PCSK4: variants seen among roughly 807,000 people sequenced by gnomAD.
The protein encoded by PCSK4 is proprotein convertase subtilisin/kexin type 4.
PCSK4 carries 64 observed loss-of-function variants against 80.3 expected under a neutral mutation model. The observed-to-expected ratio is 0.80, with a 90% CI of 0.65 to 0.98. The LOEUF (loss-of-function observed/expected upper bound fraction) is 0.98. PCSK4 is among the 50% of genes least tolerant of loss of function. PCSK4 has a pLI of 0.00. For synonymous variants in PCSK4, 561 were observed against 487.6 expected, an observed-to-expected ratio of 1.15 and a Z score of -1.98; for missense variants, 1,213 against 1,093.6, an observed-to-expected ratio of 1.11 and a Z score of -1.54.
In PCSK4 at chr19:1,490,219, G is replaced by A. The variant is rs779454141; in HGVS notation, c.128C>T (p.Ser43Phe). ...GCGCTCGACCTCCCGGTTACCCTGG[G>A]ACACCTGGACGGCCCAGCTGCTGAC... is the stretch of plus-strand genomic sequence containing the variant. The change falls in exon 1 of 15, where the codon TCC becomes TTC. Residue 43 changes from serine to phenylalanine, a missense_variant. Transcript: ENST00000300954. 16 of 1,613,254 alleles carry A rather than the reference G, an allele frequency of 9.9e-6. No homozygotes were observed. The East Asian group carries it at 3.3e-4, about 34-fold the overall frequency.
exon 15 of PCSK4, chr19:1,481,502 C>T (rs1156818834): frequency 2.5e-6 from 1 of 397,626 alleles, no homozygotes; most frequent in Non-Finnish European, 4.5e-6. Context: ...TCACGTTTCT[C>T]TCCCTCCACT....
Position 1,483,831 on chromosome 19 carries a change from G to C in PCSK4, c.1273+7C>G. The C allele has an allele frequency of 6.7e-7, 1 of 1,489,580 alleles. No individual in the cohort carries two copies. Among genetic ancestry groups the C allele is most frequent in the African/African-American group, 1.5e-5 (1 of 68,572 alleles). 92.3% of individuals were successfully genotyped at this position (1,489,580 alleles called of 1,614,324 possible). A position where few individuals can be genotyped will look rare whatever the true frequency, so the allele number is the denominator to read the frequency against. On this transcript the variant is annotated splice_region_variant and intron_variant, in intron 10 of 14. Transcript: ENST00000300954. ...CGGGTCCCCGCCCCCGCCCGGCCCC[G>C]CCGCACCTTGGCGCCCCACGCCGTT...
At position 1,483,856 on chromosome 19, in the gene PCSK4, T is replaced by G. The variant is rs1487099121; in HGVS notation, c.1255A>C (p.Asn419His). 3 of 1,495,862 alleles carry G rather than the reference T, an allele frequency of 2.0e-6. No individual in the cohort carries two copies. In the African/African-American group the frequency reaches 4.4e-5, roughly 22 times the overall value. 92.7% of individuals were successfully genotyped at this position (1,495,862 alleles called of 1,614,324 possible). The change falls in exon 10 of 15, where the codon AAC becomes CAC. Residue 419 changes from asparagine to histidine, a missense_variant. By Grantham distance (68) the Asn-to-His change is moderately conservative. Transcript: ENST00000300954. ...GCCGCACCTTGGCGCCCCACGCCGT[T>G]GGTCCTCCAGTCCTCGGCCTGCAGG... is the stretch of plus-strand genomic sequence containing the variant.
At chr19:1,482,061 A>G (rs2084320535) in exon 15 of PCSK4, 5 of 1,556,498 alleles carry the variant, frequency 3.2e-6, no homozygotes, top group Non-Finnish European at 4.3e-6. Context: ...CAGGTGTAGC[A>G]GGAGGCATGG....
intron 1 of PCSK4, 46 bp downstream of exon 1, chr19:1,490,112 A>G: frequency 6.2e-7 from 1 of 1,607,132 alleles, no homozygotes; most frequent in Non-Finnish European, 8.5e-7. Flanking sequence ...AGGGTTGTTC[A>G]GTCCCCTCCA....
At chr19:1,484,909 C>T (rs1399402064) in intron 8 of PCSK4, among the ~76,000 whole-genome samples, 1 of 152,180 alleles carries the variant, frequency 6.6e-6, no homozygotes, top group African/African-American at 2.4e-5. Context: ...CTTTGGGAGG[C>T]TGAGGCGGGC....
exon 12 of PCSK4, chr19:1,483,448 C>G: frequency 6.3e-7 from 1 of 1,594,336 alleles, no homozygotes; most frequent in Non-Finnish European, 8.5e-7. Flanking sequence ...TGATGTAGAT[C>G]AGCGGCAGGA....
chr19:1,483,961 G>A lies in PCSK4; in HGVS notation c.1170-20C>T. 2 of 1,440,338 alleles carry A rather than the reference G, an allele frequency of 1.4e-6. No homozygotes were observed. The highest frequency in any genetic ancestry group is 3.0e-5 in the African/African-American group (2 of 67,136). The allele number at this position is 1,440,338 out of a possible 1,614,324, so 89.2% of individuals were successfully genotyped here. A position where few individuals can be genotyped will look rare whatever the true frequency, so the allele number is the denominator to read the frequency against. On this transcript the variant is annotated intron_variant, in intron 9 of 14. Coordinates refer to ENST00000300954, the Ensembl canonical transcript of PCSK4. The stretch of plus-strand genomic sequence containing the variant: ...AACGGGCTGCGGGGGGCGGGGGCGG[G>A]GGCGGGTGAGCCGCCGGGCCGCGCC...
chr19:1,485,717 A>G (rs1033036225), intron 8 of PCSK4, among the ~76,000 whole-genome samples: 1 of 151,864 alleles, frequency 6.6e-6, no homozygotes, highest in African/African-American at 2.4e-5. Flanking sequence ...TGAAAATACA[A>G]AAAATTAGCC....
At chr19:1,484,161 G>T in intron 8 of PCSK4, 34 bp from the exon 9 acceptor site, 2 of 1,222,200 alleles carry the variant, frequency 1.6e-6, no homozygotes, top group Non-Finnish European at 1.2e-6. Flanking sequence ...TCGGGGGGCC[G>T]TGCACAGTGA....
chr19:1,484,620 C>T (rs924359673), intron 8 of PCSK4, among the ~76,000 whole-genome samples: 16 of 151,906 alleles, frequency 1.1e-4, no homozygotes, highest in African/African-American at 3.9e-4. Flanking sequence ...GAGTTCGAGA[C>T]CAGCCTGGTC....
Position 1,483,286 on chromosome 19 carries a change from T to TATGGCCAC in PCSK4, c.1561_1568dup (p.Ile523MetfsTer37). On this transcript the variant is annotated frameshift_variant, in exon 12 of 15. Coordinates refer to ENST00000300954, the Ensembl canonical transcript of PCSK4. LOFTEE classifies it high-confidence loss of function. ...CCTCTCCTCTGCGGGCCGCTCACCG[T>TATGGCCAC]ATGGCCACGAGTGTGGAGCGCGTGC... is the stretch of plus-strand genomic sequence containing the variant. 1 of 1,589,160 alleles carries TATGGCCAC rather than the reference T, an allele frequency of 6.3e-7. No homozygotes were observed. Among genetic ancestry groups the TATGGCCAC allele is most frequent in the Non-Finnish European group, 8.6e-7 (1 of 1,167,332 alleles).
At chr19:1,486,794 A>C (rs2084639781) in intron 8 of PCSK4, 59 bp downstream of exon 8, 4 of 1,389,294 alleles carry the variant, frequency 2.9e-6, no homozygotes, top group African/African-American at 1.4e-5. Context: ...GGACAGGAGG[A>C]GGCCAGGCTG....
chr19:1,487,307 C>A (rs754622127), exon 7 of PCSK4: 1 of 1,587,606 alleles, frequency 6.3e-7, no homozygotes, highest in South Asian at 1.1e-5. Context: ...GTCCAGCATC[C>A]GTACGCCTGC....
At chr19:1,487,650 T>C in exon 6 of PCSK4, 2 of 1,555,228 alleles carry the variant, frequency 1.3e-6, no homozygotes, top group South Asian at 2.4e-5. Context: ...GAAGCCATTG[T>C]TGGCCATCGC....
exon 8 of PCSK4, chr19:1,486,980 G>T: frequency 6.2e-7 from 1 of 1,609,882 alleles, no homozygotes; most frequent in Non-Finnish European, 8.5e-7. Context: ...GATGCTGTTG[G>T]TGTAGCCGTC....
At chr19:1,490,413 G>A (rs1599260541), upstream of PCSK4, 2 of 637,076 alleles carry the variant, frequency 3.1e-6, no homozygotes, top group East Asian at 6.4e-5. Flanking sequence ...AGTGGGCCCA[G>A]GCGTCCGACC....
chr19:1,482,929 C>G, exon 13 of PCSK4: 7 of 1,613,540 alleles, frequency 4.3e-6, no homozygotes, highest in Non-Finnish European at 5.9e-6. Context: ...TTCTCTAGGC[C>G]CAGGGTCCAC....
At chr19:1,483,617 C>A in intron 11 of PCSK4, 33 bp downstream of exon 11, 2 of 1,516,784 alleles carry the variant, frequency 1.3e-6, no homozygotes, top group East Asian at 2.3e-5. Flanking sequence ...ACACCCCCAG[C>A]GGGGATAGCG....
Sources: allele counts gnomAD v4.1 joint callset (sites outside exome capture counted in the v4.1 genomes callset), GRCh38; gene constraint gnomAD v4.1.1; transcripts MANE v1.5; gene names NCBI Gene and HGNC (gene_info 2026-07-23, HGNC 2026-07-21).